Variants in DUT observed in about 807,000 individuals in gnomAD.
DUT encodes deoxyuridine triphosphatase, also known as deoxyuridine 5'-triphosphate nucleotidohydrolase, mitochondrial.
A neutral mutation model predicts 28.8 loss-of-function variants in DUT; 21 were observed. The ratio of observed to expected loss-of-function variants is 0.73; its 90% CI spans 0.52 to 1.05. The LOEUF is 1.05. Among genes scored for constraint, DUT ranks in the 50% least tolerant of loss-of-function variants. The pLI is 0.00. For synonymous variants in DUT, 147 were observed against 143.7 expected, an observed-to-expected ratio of 1.02 and a Z score of -0.17; for missense variants, 344 against 351.8, an observed-to-expected ratio of 0.98 and a Z score of 0.18.
At chr15:48,340,070 T>C (rs2042517209) in intron 4 of DUT, 1 of 152,052 alleles carries the variant, frequency 6.6e-6, no homozygotes, top group African/African-American at 2.4e-5. Context: ...TAATGAGGAG[T>C]ATGGGCAAAT....
chr15:48,332,139 G>A (rs1203897460), intron 1 of DUT, 129 bp from the exon 2 acceptor site: 2 of 1,409,342 alleles, frequency 1.4e-6, no homozygotes, highest in South Asian at 1.5e-5. Flanking sequence ...GAGGGGCGGT[G>A]GGTGGGGCGG....
At chr15:48,336,184 A>G (rs1174821340) in intron 4 of DUT, 94 bp downstream of exon 4, 6 of 1,073,430 alleles carry the variant, frequency 5.6e-6, no homozygotes. Flanking sequence ...ATTTTTAAGA[A>G]AAGAAAATGA....
At chr15:48,332,976 A>G (rs1019336889) in intron 2 of DUT, among the ~76,000 whole-genome samples, 23 of 152,144 alleles carry the variant, frequency 1.5e-4, no homozygotes, top group African/African-American at 5.1e-4. Flanking sequence ...CCTTAACTAG[A>G]TAAGTGTTAC....
At chr15:48,335,041 C>G (rs2141160914) in intron 3 of DUT, among the ~76,000 whole-genome samples, 1 of 152,294 alleles carries the variant, frequency 6.6e-6, no homozygotes, top group Middle Eastern at 3.4e-3. Flanking sequence ...CTGTGACGCC[C>G]TCCTCCAGGG....
intron 3 of DUT, among the ~76,000 whole-genome samples, chr15:48,335,194 G>A (rs1166296349): frequency 6.6e-6 from 1 of 152,102 alleles, no homozygotes; most frequent in African/African-American, 2.4e-5. Flanking sequence ...TCAGGGGAAG[G>A]GGCAGGAGAT....
rs2042561127 is a variant in DUT, at chr15:48,343,275, A to G, written c.*1197A>G. On this transcript the variant is annotated 3_prime_UTR_variant, in exon 7 of 7. Coordinates refer to ENST00000331200, the MANE Select transcript of DUT (RefSeq NM_001025248.2). ...TCACATTTCATTAGTGAGCCATGAA[A>G]TCAACTCAGTGGGACATAGCCAGCA... The G allele has an allele frequency of 6.6e-6, 1 of 152,180 alleles. No homozygotes were observed. The highest frequency in any genetic ancestry group is 1.5e-5 in the Non-Finnish European group (1 of 68,032). The allele number at this position is 152,180 out of a possible 1,614,324, so 9.4% of individuals were successfully genotyped here. A position where few individuals can be genotyped will look rare whatever the true frequency, so the allele number is the denominator to read the frequency against.
In DUT at chr15:48,343,004, T is replaced by C. The variant is rs981087463; in HGVS notation, c.*926T>C. ...TCTTTTGGAAGTTTTGCTAGTGTGCTTTCCTTTCTTTACTATGTTTCTCAG... is the reference window on the plus strand; with the variant it reads ...TCTTTTGGAAGTTTTGCTAGTGTGCCTTCCTTTCTTTACTATGTTTCTCAG... On this transcript the variant is annotated 3_prime_UTR_variant, in exon 7 of 7. Transcript: ENST00000331200. 3 of 152,260 alleles carry C rather than the reference T, an allele frequency of 2.0e-5. No individual in the cohort carries two copies. The highest frequency in any genetic ancestry group is 7.2e-5 in the African/African-American group (3 of 41,466). The allele number at this position is 152,260 out of a possible 1,614,324, so 9.4% of individuals were successfully genotyped here. A position where few individuals can be genotyped will look rare whatever the true frequency, so the allele number is the denominator to read the frequency against.
At chr15:48,338,940 T>G (rs2042502205) in intron 4 of DUT, among the ~76,000 whole-genome samples, 1 of 152,160 alleles carries the variant, frequency 6.6e-6, no homozygotes, top group African/African-American at 2.4e-5. Context: ...AGTTTGAGGC[T>G]TATTTGAGCA....
intron 1 of DUT, 69 bp from the exon 2 acceptor site, chr15:48,332,199 C>G: frequency 6.6e-7 from 1 of 1,511,020 alleles, no homozygotes; most frequent in Non-Finnish European, 8.8e-7. Flanking sequence ...CGACGCTCAT[C>G]GTGCGCTCTC....
chr15:48,334,397 T>G lies in DUT; in HGVS notation c.420-20T>G, dbSNP rs775856887. 9 of 1,473,202 alleles carry G rather than the reference T, an allele frequency of 6.1e-6. 1 individual carries two copies. In the Admixed American group the frequency reaches 1.4e-4, roughly 22 times the overall value. The allele number at this position is 1,473,202 out of a possible 1,614,324, so 91.3% of individuals were successfully genotyped here. ...TTTTATAAATAGATTTGCAGTTATT[T>G]TCTTTCAATATTTTCTTAGTGCCTA... On this transcript the variant is annotated intron_variant, in intron 2 of 6. Transcript: ENST00000331200.
rs1022357461 is a variant in DUT at position 48,337,975 on chromosome 15, C to G, written c.556+1885C>G. ...CAAATGACATGCCAAACTCTTGACA[C>G]AGTAAAACTTTTGCCTGAAGTCAGT... On this transcript the variant is annotated intron_variant, in intron 4 of 6. Transcript: ENST00000331200. 2.6e-5 allele frequency among the ~76,000 whole-genome samples: 4 copies of G among 152,294 alleles called. No individual in the cohort carries two copies. In the East Asian group the frequency reaches 7.7e-4, roughly 29 times the overall value.
chr15:48,337,633 CT>C (rs1463359973), intron 4 of DUT, among the ~76,000 whole-genome samples: 4 of 152,116 alleles, frequency 2.6e-5, no homozygotes, highest in Non-Finnish European at 2.9e-5. Context: ...GACTTTGTTA[CT>C]AATTTTTGCT....
At position 48,332,395 on chromosome 15, in the gene DUT, C is replaced by G. The variant is rs1167071251; in HGVS notation, c.408C>G (p.Tyr136Ter). The G allele has an allele frequency of 6.4e-7, 1 of 1,574,030 alleles. No homozygotes were observed. Among genetic ancestry groups the G allele is most frequent in the Non-Finnish European group, 8.6e-7 (1 of 1,163,920 alleles). Residue 136 changes from tyrosine to a stop codon, truncating the protein, a stop_gained, in exon 2 of 7, where the codon TAC (tyrosine) becomes TAG (stop). Transcript: ENST00000331200. LOFTEE classifies it high-confidence loss of function. The part of the protein sequence containing the change: ...PTRGSARAAG[Y>*]DLYSAYDYTI... The stretch of plus-strand genomic sequence containing the variant: ...GGGGCTCCGCGCGCGCCGCGGGCTA[C>G]GACCTGTACAGGTGAGCGGGGACCT...
chr15:48,331,195 A>G, upstream of DUT: 1 of 1,520,018 alleles, frequency 6.6e-7, no homozygotes. Flanking sequence ...GCCCCAGGTA[A>G]ATCAGTCCAG....
Position 48,331,554 on chromosome 15 carries a change from T to G in DUT, c.39T>G (p.His13Gln), listed in dbSNP as rs768332827. 1.9e-6 allele frequency: 3 copies of G among 1,610,712 alleles called. No homozygotes were observed. Among genetic ancestry groups the G allele is most frequent in the Non-Finnish European group, 2.5e-6 (3 of 1,179,028 alleles). Residue 13 changes from histidine (H) to glutamine (Q), a missense_variant, in exon 1 of 7, where the codon CAT (histidine) becomes CAG (glutamine). Transcript: ENST00000331200. ...GCCCTCGCCCCGCGCTCTGCTACCA[T>G]TTCCTTACGTCTCTGCTTCGCTCAG... is the stretch of plus-strand genomic sequence containing the variant. The part of the protein sequence containing the change: ...PLCPRPALCY[H>Q]FLTSLLRSAM...
chr15:48,338,996 G>A (rs1208793064), intron 4 of DUT, among the ~76,000 whole-genome samples: 1 of 152,068 alleles, frequency 6.6e-6, no homozygotes, highest in East Asian at 1.9e-4. Context: ...AATTAGCCAG[G>A]TGTGGTGGTG....
At position 48,331,674 on chromosome 15, in the gene DUT, TC is replaced by T; in HGVS notation, c.163del (p.Arg55GlyfsTer9). The T allele has an allele frequency of 6.5e-7, 1 of 1,532,734 alleles. No individual in the cohort carries two copies. The highest frequency in any genetic ancestry group is 2.5e-5 in the East Asian group (1 of 39,592). The allele number at this position is 1,532,734 out of a possible 1,614,324, so 94.9% of individuals were successfully genotyped here. A position where few individuals can be genotyped will look rare whatever the true frequency, so the allele number is the denominator to read the frequency against. On this transcript the variant is annotated frameshift_variant, in exon 1 of 7. Coordinates refer to ENST00000331200, the MANE Select transcript of DUT (RefSeq NM_001025248.2). LOFTEE classifies it high-confidence loss of function. ...PLGRAAQHGI[P>X]RPLSSAGRLS... ...TCGGCCGCGCCGCGCAGCACGGGATTCCCCGGCCGCTGTCCAGCGCTGGCCG... is the reference window on the plus strand; with the variant it reads ...TCGGCCGCGCCGCGCAGCACGGGATTCCCGGCCGCTGTCCAGCGCTGGCCG...
rs771541621 is a variant in DUT, at chr15:48,331,486, A to G, written c.-30A>G. ...GCCTGGCGCACGTCCGGAGGTGCCG[A>G]GGACCCAACCAGCCCAAACTCTGGG... On this transcript the variant is annotated 5_prime_UTR_variant, in exon 1 of 7. Transcript: ENST00000331200. The G allele has an allele frequency of 1.9e-6, 3 of 1,610,154 alleles. No individual in the cohort carries two copies. Among genetic ancestry groups the G allele is most frequent in the Non-Finnish European group, 2.5e-6 (3 of 1,178,790 alleles).
chr15:48,331,307 A>G, upstream of DUT: 1 of 1,442,118 alleles, frequency 6.9e-7, no homozygotes, highest in Non-Finnish European at 9.1e-7. Flanking sequence ...CGGCAGCAAG[A>G]CTCAAGACGC....
Sources: gnomAD v4.1 joint callset for allele counts (sites outside exome capture counted in the v4.1 genomes callset) on GRCh38, gnomAD v4.1.1 for gene constraint, MANE v1.5 for transcripts, NCBI Gene and HGNC (gene_info 2026-07-23, HGNC 2026-07-21) for gene names.